PXDN: variants seen among roughly 807,000 people sequenced by gnomAD.
The protein encoded by PXDN is peroxidasin.
A neutral mutation model predicts 140.3 loss-of-function variants in PXDN; 77 were observed. The ratio of observed to expected loss-of-function variants is 0.55; its 90% CI spans 0.46 to 0.66. PXDN has a LOEUF of 0.66. Among genes scored for constraint, PXDN ranks in the 30% least tolerant of loss-of-function variants. The probability of loss-of-function intolerance (pLI) is 0.00; values close to 1 mark genes in which losing one functional copy is unlikely to be tolerated. For missense variants in PXDN, 1,838 were observed against 2,039.5 expected (o/e 0.90, Z 1.90); for synonymous variants, 911 against 857.4 (o/e 1.06, Z -1.09).
At position 1,637,620 on chromosome 2, in the gene PXDN, G is replaced by A. The variant is rs572749225; in HGVS notation, c.4206+1226C>T. On this transcript the variant is annotated intron_variant, in intron 21 of 22. Coordinates refer to ENST00000252804, the MANE Select transcript of PXDN (RefSeq NM_012293.3). ...GCAGAAGGAGGAAGACCTGCCGCACGCTGTCCACTCTGACAGCTGCCTGGG... is the reference window on the plus strand; with the variant it reads ...GCAGAAGGAGGAAGACCTGCCGCACACTGTCCACTCTGACAGCTGCCTGGG... 3.4e-5 allele frequency among the ~76,000 whole-genome samples: 5 copies of A among 149,078 alleles called. No individual in the cohort carries two copies. The East Asian group carries it at 6.1e-4, about 18-fold the overall frequency.
Position 1,662,137 on chromosome 2 carries a change from C to T in PXDN, c.1615G>A (p.Gly539Ser). The T allele has an allele frequency of 6.3e-7, 1 of 1,596,412 alleles. No individual in the cohort carries two copies. Among genetic ancestry groups the T allele is most frequent in the Non-Finnish European group, 8.5e-7 (1 of 1,171,742 alleles). The change falls in exon 13 of 23, where the codon GGC (glycine) becomes AGC (serine). Residue 539 changes from glycine (G) to serine (S), a missense_variant. Around this residue, in one of 5 missense-constraint regions of PXDN, gnomAD observed 537 missense variants for 583.9 expected, o/e 0.92. Transcript: ENST00000252804. ...CTGCACGGGAGCTGCACATTGGCGC[C>T]CACCTCCACTGTTGTGTCGCTGGGA... ...SIPSDTTVEV[G>S]ANVQLPCSSQ... is the part of the protein sequence containing the mutation.
At chr2:1,680,164 G>T in intron 7 of PXDN, 29 bp downstream of exon 7, 1 of 1,458,492 alleles carries the variant, frequency 6.9e-7, no homozygotes, top group Non-Finnish European at 9.2e-7. Context: ...GTGAGTGTGT[G>T]GATGGTGTGT....
At chr2:1,663,811 A>T (rs1329581287) in intron 11 of PXDN, 48 bp from the exon 12 acceptor site, 1 of 1,587,862 alleles carries the variant, frequency 6.3e-7, no homozygotes, top group Admixed American at 1.7e-5. Context: ...CGCATGGAGA[A>T]CTCCTGCTCT....
rs1179606524 is a variant in PXDN at position 1,639,272 on chromosome 2, C to A, written c.4073+30G>T. 6.2e-7 allele frequency: 1 copy of A among 1,600,604 alleles called. No individual in the cohort carries two copies. Among genetic ancestry groups the A allele is most frequent in the African/African-American group, 1.3e-5 (1 of 74,658 alleles). ...CGCCCGCGGTGCGAGGGCCCCTCTG[C>A]ACATCATTTGACCTCAGAGACCACC... is the stretch of plus-strand genomic sequence containing the variant. On this transcript the variant is annotated intron_variant, in intron 20 of 22. Coordinates refer to ENST00000252804, the MANE Select transcript of PXDN (RefSeq NM_012293.3). This position sits in a 1 kb window ranked among gnomAD's most constrained non-coding sequence, Gnocchi z 5.0.
intron 7 of PXDN, among the ~76,000 whole-genome samples, chr2:1,677,804 C>T (rs1275229510): frequency 1.3e-5 from 2 of 152,252 alleles, no homozygotes; most frequent in Non-Finnish European, 2.9e-5. Context: ...GCCTCGTCAC[C>T]TCAGTGTGCG....
chr2:1,687,935 C>T lies in PXDN; in HGVS notation c.345-232G>A, dbSNP rs1044192678. Among the ~76,000 whole-genome samples the T allele has an allele frequency of 9.9e-5, 15 of 152,156 alleles. No individual in the cohort carries two copies. Among genetic ancestry groups the T allele is most frequent in the African/African-American group, 2.9e-4 (12 of 41,434 alleles). On this transcript the variant is annotated intron_variant, in intron 3 of 22. Coordinates refer to ENST00000252804, the MANE Select transcript of PXDN (RefSeq NM_012293.3). The surrounding 1 kb of genome is among the most constrained non-coding windows in gnomAD (Gnocchi z 4.0). The stretch of plus-strand genomic sequence containing the variant: ...CCAACTGAAGGTGATCAAACCACTG[C>T]GACGGGTTTTTCAGGCAACTCACAG...
intron 12 of PXDN, 45 bp downstream of exon 12, chr2:1,663,560 C>T (rs181218393): frequency 6.2e-6 from 10 of 1,601,596 alleles, no homozygotes; most frequent in Admixed American, 5.0e-5. Context: ...TTCCTGATAA[C>T]CGATCTGAGA....
intron 3 of PXDN, among the ~76,000 whole-genome samples, chr2:1,689,044 A>C (rs1684127645): frequency 6.6e-6 from 1 of 151,796 alleles, no homozygotes; most frequent in African/African-American, 2.4e-5. Context: ...ACCACCCAGA[A>C]CTCCCCAGCG....
chr2:1,645,011 T>C (rs1236410601), intron 17 of PXDN, among the ~76,000 whole-genome samples: 2 of 151,860 alleles, frequency 1.3e-5, no homozygotes, highest in Admixed American at 6.6e-5. Context: ...CAAGAAAAGA[T>C]AAGGAAGAAA....
intron 1 of PXDN, among the ~76,000 whole-genome samples, chr2:1,694,075 C>G (rs1432046093): frequency 6.6e-6 from 1 of 152,130 alleles, no homozygotes. Flanking sequence ...ACAGAAAGAC[C>G]AATTTCTTTA....
chr2:1,725,986 T>G (rs1685172973), intron 1 of PXDN, among the ~76,000 whole-genome samples: 1 of 150,596 alleles, frequency 6.6e-6, no homozygotes, highest in Non-Finnish European at 1.5e-5. Context: ...GGTGGGACTG[T>G]AAACTAGTTC....
chr2:1,738,729 A>T (rs111463556), intron 1 of PXDN, among the ~76,000 whole-genome samples: 10,382 of 152,070 alleles, frequency 0.068, 1,196 homozygotes, highest in African/African-American at 0.24. Context: ...TATTTCTGGT[A>T]GAGAAGGGGT....
At chr2:1,740,281 C>T (rs979472618) in intron 1 of PXDN, among the ~76,000 whole-genome samples, 1 of 152,202 alleles carries the variant, frequency 6.6e-6, no homozygotes, top group Non-Finnish European at 1.5e-5. Context: ...CCTGTGACCT[C>T]TATCTGCGTG....
At position 1,651,235 on chromosome 2, in the gene PXDN, C is replaced by G. The variant is rs961534980; in HGVS notation, c.2105-1560G>C. Among the ~76,000 whole-genome samples, 1 of 152,176 alleles carries G rather than the reference C, an allele frequency of 6.6e-6. No homozygotes were observed. Among genetic ancestry groups the G allele is most frequent in the African/African-American group, 2.4e-5 (1 of 41,444 alleles). ...GTGCCAGGAGGAAAAGCACTTCCTCCCAAATGCCTGGCTGGGCTGTGGGGC... is the reference window on the plus strand; with the variant it reads ...GTGCCAGGAGGAAAAGCACTTCCTCGCAAATGCCTGGCTGGGCTGTGGGGC... On this transcript the variant is annotated intron_variant, in intron 16 of 22. Transcript: ENST00000252804. The surrounding 1 kb of genome is among the most constrained non-coding windows in gnomAD (Gnocchi z 4.4).
chr2:1,653,927 G>T (rs559526446), intron 15 of PXDN, 142 bp from the exon 16 acceptor site: 8 of 1,006,058 alleles, frequency 8.0e-6, no homozygotes, highest in Non-Finnish European at 9.7e-6. Context: ...TTCCTCATCC[G>T]AAGTGGGAGG....
chr2:1,639,373 G>C lies in PXDN; in HGVS notation c.4002C>G (p.Gly1334=). The change falls in exon 20 of 23, where the codon GGC becomes GGG. Residue 1334 remains glycine, a synonymous_variant. Transcript: ENST00000252804. The surrounding 1 kb of genome is among the most constrained non-coding windows in gnomAD (Gnocchi z 5.0). ...GGTAGCTGAACTCAAGAGACCGTCT[G>C]CCTCGGAAATGATAGGAAAAGGCAT... The part of the protein sequence containing the change: ...QFNAFSYHFR[G]RRSLEFSYQE... 6.2e-7 allele frequency: 1 copy of C among 1,614,022 alleles called. No homozygotes were observed. The highest frequency in any genetic ancestry group is 1.3e-5 in the African/African-American group (1 of 75,066).
chr2:1,635,238 G>C (rs1042057580), intron 22 of PXDN, among the ~76,000 whole-genome samples, 170 bp downstream of exon 22: 1 of 152,196 alleles, frequency 6.6e-6, no homozygotes, highest in African/African-American at 2.4e-5. Context: ...TGTGCACAGA[G>C]AGCTGGGCTT....
intron 4 of PXDN, among the ~76,000 whole-genome samples, 183 bp from the exon 5 acceptor site, chr2:1,684,334 A>G (rs553867635): frequency 6.6e-6 from 1 of 152,332 alleles, no homozygotes; most frequent in South Asian, 2.1e-4. Flanking sequence ...ATACAACTGA[A>G]CACTAGGCAC....
At chr2:1,647,949 GC>G (rs1055027368) in intron 17 of PXDN, among the ~76,000 whole-genome samples, 61 of 152,150 alleles carry the variant, frequency 4.0e-4, no homozygotes, top group African/African-American at 1.3e-3. Flanking sequence ...CGGTGGAAGG[GC>G]CCTCCACCGT....
Sources: gnomAD v4.1 joint callset for allele counts (sites outside exome capture counted in the v4.1 genomes callset) on GRCh38, gnomAD v4.1.1 for gene constraint, gnomAD v4.1.1 regional missense constraint, Gnocchi (gnomAD v3.1) non-coding constraint, MANE v1.5 for transcripts, NCBI Gene and HGNC (gene_info 2026-07-23, HGNC 2026-07-21) for gene names.